Variants in MYH13 observed in about 807,000 individuals in gnomAD.
The protein encoded by MYH13 is myosin heavy chain 13, also known as myosin-13.
Under a neutral mutation model 232.1 loss-of-function variants are expected in MYH13, and 177 were observed. That is an observed-to-expected ratio of 0.76 (90% CI 0.67 to 0.86). MYH13 has a LOEUF of 0.86. Among genes scored for constraint, MYH13 ranks in the 40% least tolerant of loss-of-function variants. The pLI, the probability that MYH13 is intolerant of heterozygous loss-of-function variation, is 0.00. For missense variants in MYH13, 2,246 were observed against 2,405.9 expected (o/e 0.93, Z 1.39); for synonymous variants, 884 against 923.5 (o/e 0.96, Z 0.78).
chr17:10,366,942 C>T (rs1372149824), intron 2 of MYH13, among the ~76,000 whole-genome samples: 3 of 152,194 alleles, frequency 2.0e-5, no homozygotes, highest in African/African-American at 7.2e-5. Flanking sequence ...GCTGAACCAT[C>T]TGTGGGTTCA....
At chr17:10,368,519 A>T (rs889676594) in intron 2 of MYH13, among the ~76,000 whole-genome samples, 4 of 152,222 alleles carry the variant, frequency 2.6e-5, no homozygotes, top group Non-Finnish European at 1.5e-5. Flanking sequence ...ATTTCATCAC[A>T]TAAAATTGTT....
chr17:10,311,765 C>A, intron 32 of MYH13, 146 bp downstream of exon 32: 2 of 951,234 alleles, frequency 2.1e-6, no homozygotes, highest in Non-Finnish European at 1.6e-6. Context: ...GGCCTTGGGG[C>A]AAACTGAGTC....
At position 10,362,137 on chromosome 17, in the gene MYH13, G is replaced by A; in HGVS notation, c.486C>T (p.Ala162=). 2 of 1,613,938 alleles carry A rather than the reference G, an allele frequency of 1.2e-6. No homozygotes were observed. Among genetic ancestry groups the A allele is most frequent in the African/African-American group, 1.3e-5 (1 of 75,050 alleles). ...PPHIFSISDN[A]YQFMLTDRDN... ...ACTCACCAGTCAGCATGAACTGATA[G>A]GCATTGTCAGAGATGGAGAAGATGT... The change falls in exon 5 of 41, where the codon GCC becomes GCT. Residue 162 remains alanine (A), a synonymous_variant. Transcript: ENST00000252172.
Position 10,340,165 on chromosome 17 carries a change from C to CA in MYH13, c.2040dup (p.Glu681Ter). On this transcript the variant is annotated frameshift_variant, in exon 18 of 41. Coordinates refer to ENST00000252172, the MANE Select transcript of MYH13 (RefSeq NM_003802.3). LOFTEE classifies it high-confidence loss of function. ...TGGTACTCACCAGGAGTCTTGGTCT[C>CA]ATTGGGAATCAGACATCGTACAAAG... The CA allele has an allele frequency of 6.2e-7, 1 of 1,613,470 alleles. No homozygotes were observed.
In MYH13 at chr17:10,345,276, T is replaced by G. The variant is rs761713855; in HGVS notation, c.1510A>C (p.Lys504Gln). 2 of 1,614,174 alleles carry G rather than the reference T, an allele frequency of 1.2e-6. No homozygotes were observed. The highest frequency in any genetic ancestry group is 1.7e-6 in the Non-Finnish European group (2 of 1,180,004). Reference protein sequence around the residue: ...HMFVLEQEEYKKEGIEWEFID... With the variant: ...HMFVLEQEEYQKEGIEWEFID... ...AACTCCCACTCGATGCCTTCCTTCT[T>G]GTACTCTTCCTGCTCCAGCACGAAC... Residue 504 changes from lysine to glutamine, a missense_variant, in exon 15 of 41, where the codon AAG becomes CAG. By Grantham distance (53) the Lys-to-Gln change is moderately conservative. Coordinates refer to ENST00000252172, the MANE Select transcript of MYH13 (RefSeq NM_003802.3).
At chr17:10,303,334 T>C (rs1377872408) in intron 38 of MYH13, 43 bp from the exon 39 acceptor site, 1 of 1,612,444 alleles carries the variant, frequency 6.2e-7, no homozygotes. Context: ...AAACCTATGG[T>C]CACTTCTGAT....
chr17:10,318,548 TTG>T (rs1906798470), intron 27 of MYH13, among the ~76,000 whole-genome samples: 1 of 152,182 alleles, frequency 6.6e-6, no homozygotes, highest in African/African-American at 2.4e-5. Flanking sequence ...GCCTCCAAAA[TTG>T]TGAGTGATAA....
intron 30 of MYH13, 139 bp from the exon 31 acceptor site, chr17:10,312,896 G>T: frequency 8.7e-7 from 1 of 1,153,310 alleles, no homozygotes; most frequent in Non-Finnish European, 1.2e-6. Context: ...GGTGAGTGGG[G>T]AGGATCCAAG....
chr17:10,338,997 G>A (rs1006312013), intron 18 of MYH13, among the ~76,000 whole-genome samples: 7 of 152,132 alleles, frequency 4.6e-5, no homozygotes, highest in African/African-American at 1.2e-4. Flanking sequence ...CACTGTGCCC[G>A]GCCTATCCTT....
At chr17:10,328,487 G>A (rs1480574251) in intron 21 of MYH13, among the ~76,000 whole-genome samples, 1 of 152,142 alleles carries the variant, frequency 6.6e-6, no homozygotes, top group Non-Finnish European at 1.5e-5. Flanking sequence ...CATGTTTGAT[G>A]TATTAATCAG....
chr17:10,310,692 C>T (rs1906479974), intron 33 of MYH13, among the ~76,000 whole-genome samples: 1 of 152,106 alleles, frequency 6.6e-6, no homozygotes, highest in African/African-American at 2.4e-5. Context: ...CTAGAAACCA[C>T]CAGCCATCCT....
chr17:10,333,034 C>T (rs1185823029), intron 19 of MYH13, 40 bp downstream of exon 19: 1 of 1,449,102 alleles, frequency 6.9e-7, no homozygotes, highest in Admixed American at 2.0e-5. Flanking sequence ...CAAAAGGTGC[C>T]CTCGGAAGGA....
chr17:10,354,668 T>C lies in MYH13; in HGVS notation c.1005+12A>G, dbSNP rs778090580. ...TTCTGTGCATAAACAGACAAATAAA[T>C]GGCATGCTTACATCTGTCGCCAGCA... On this transcript the variant is annotated intron_variant, in intron 11 of 40. Coordinates refer to ENST00000252172, the MANE Select transcript of MYH13 (RefSeq NM_003802.3). The C allele has an allele frequency of 1.7e-5, 27 of 1,604,638 alleles. No homozygotes were observed. The African/African-American group carries it at 1.9e-4, about 11-fold the overall frequency.
intron 30 of MYH13, 40 bp downstream of exon 30, chr17:10,313,118 C>T: frequency 6.2e-7 from 1 of 1,613,628 alleles, no homozygotes; most frequent in Non-Finnish European, 8.5e-7. Flanking sequence ...TGGCTTGTGT[C>T]CTCGGGCCCC....
chr17:10,345,343 G>A lies in MYH13; in HGVS notation c.1443C>T (p.Asn481=). The part of the protein sequence containing the change: ...DFNSLEQLCI[N]FTNEKLQQFF... ...ACTGTTGCAGTTTCTCATTGGTGAA[G>A]TTGATGCACAGCTGCTCCAGGCTGT... Residue 481 remains asparagine (N), a synonymous_variant, in exon 15 of 41, where the codon AAC becomes AAT. Transcript: ENST00000252172. 1.2e-6 allele frequency: 2 copies of A among 1,614,232 alleles called. No individual in the cohort carries two copies. The highest frequency in any genetic ancestry group is 1.7e-6 in the Non-Finnish European group (2 of 1,180,040).
chr17:10,339,526 A>G (rs999857434), intron 18 of MYH13, among the ~76,000 whole-genome samples: 1 of 152,194 alleles, frequency 6.6e-6, no homozygotes, highest in Non-Finnish European at 1.5e-5. Context: ...TATTGATGCT[A>G]TTTTGATTAT....
At chr17:10,312,513 C>G (rs1011309619) in intron 31 of MYH13, 61 bp downstream of exon 31, 2 of 1,520,002 alleles carry the variant, frequency 1.3e-6, no homozygotes, top group East Asian at 2.3e-5. Context: ...ATGTAAATAG[C>G]ATTTCCCCAA....
intron 5 of MYH13, 66 bp from the exon 6 acceptor site, chr17:10,360,254 C>T: frequency 6.4e-7 from 1 of 1,556,178 alleles, no homozygotes. Flanking sequence ...AATAAAGTAA[C>T]ATTGGGGGTG....
intron 24 of MYH13, 71 bp downstream of exon 24, chr17:10,321,461 T>A: frequency 6.9e-7 from 1 of 1,452,420 alleles, no homozygotes; most frequent in South Asian, 1.3e-5. Context: ...CCCTGTGTCC[T>A]AGTTAGACTG....
Sources: gnomAD v4.1 joint callset for allele counts (sites outside exome capture counted in the v4.1 genomes callset) on GRCh38, gnomAD v4.1.1 for gene constraint, MANE v1.5 for transcripts, NCBI Gene and HGNC (gene_info 2026-07-23, HGNC 2026-07-21) for gene names.